GALNT10: variants seen among roughly 807,000 people sequenced by gnomAD.
The protein encoded by GALNT10 is GalNAc transferase 10.
GALNT10 carries 41 observed loss-of-function variants against 75.0 expected under a neutral mutation model. That is an observed-to-expected ratio of 0.55 (90% confidence interval 0.43 to 0.71). The LOEUF (loss-of-function observed/expected upper bound fraction) is 0.71. Ranked by LOEUF, GALNT10 falls within the 30% of genes least tolerant of loss-of-function variation. GALNT10 has a pLI of 0.00. For missense variants in GALNT10, 727 were observed against 818.5 expected (o/e 0.89, Z 1.36); for synonymous variants, 302 against 313.0 (o/e 0.96, Z 0.37).
At chr5:154,312,749 A>T (rs1438151026) in intron 3 of GALNT10, among the ~76,000 whole-genome samples, 1 of 152,186 alleles carries the variant, frequency 6.6e-6, no homozygotes, top group Non-Finnish European at 1.5e-5. Flanking sequence ...TTTATGAATC[A>T]TCAAGAAACT....
At chr5:154,226,194 T>C (rs957888378) in intron 1 of GALNT10, among the ~76,000 whole-genome samples, 3 of 152,244 alleles carry the variant, frequency 2.0e-5, no homozygotes, top group Non-Finnish European at 4.4e-5. Context: ...TAATTAATTT[T>C]TTATAGCTAA....
intron 3 of GALNT10, among the ~76,000 whole-genome samples, chr5:154,309,793 T>C (rs779572992): frequency 1.3e-5 from 2 of 152,194 alleles, no homozygotes; most frequent in African/African-American, 2.4e-5. Flanking sequence ...CGACACTGTT[T>C]CACATCCAAA....
chr5:154,357,170 A>C (rs936436269), intron 4 of GALNT10, among the ~76,000 whole-genome samples: 3 of 152,150 alleles, frequency 2.0e-5, no homozygotes, highest in African/African-American at 7.2e-5. Context: ...AAATTTTGGT[A>C]GTAAGGAGGG....
At chr5:154,358,053 C>T (rs1284737490) in intron 4 of GALNT10, among the ~76,000 whole-genome samples, 2 of 152,196 alleles carry the variant, frequency 1.3e-5, no homozygotes, top group East Asian at 3.8e-4. Context: ...ACACAAAAAA[C>T]ATCAGTGAGG....
intron 7 of GALNT10, among the ~76,000 whole-genome samples, chr5:154,398,310 G>A (rs749046259): frequency 6.6e-6 from 1 of 152,252 alleles, no homozygotes; most frequent in Non-Finnish European, 1.5e-5. Flanking sequence ...CACAAGGAGA[G>A]GAACTGCAAA....
At chr5:154,393,431 G>C (rs968450046) in intron 7 of GALNT10, among the ~76,000 whole-genome samples, 2 of 152,124 alleles carry the variant, frequency 1.3e-5, no homozygotes, top group African/African-American at 4.8e-5. Flanking sequence ...GTGGCCTTTG[G>C]GGGTGGGAGG....
chr5:154,343,998 CTG>C (rs1009391409), intron 4 of GALNT10, among the ~76,000 whole-genome samples: 61 of 152,222 alleles, frequency 4.0e-4, no homozygotes, highest in African/African-American at 1.4e-3. Flanking sequence ...CTCTGTGCTC[CTG>C]TGTGTGTTTG....
chr5:154,258,776 A>G (rs1256148901), intron 1 of GALNT10, among the ~76,000 whole-genome samples: 7 of 152,130 alleles, frequency 4.6e-5, no homozygotes, highest in Admixed American at 1.3e-4. Flanking sequence ...CATGGCTTTG[A>G]TCATGAGGTT....
intron 1 of GALNT10, among the ~76,000 whole-genome samples, chr5:154,255,634 A>G (rs1753594854): frequency 6.6e-6 from 1 of 152,094 alleles, no homozygotes. Context: ...AGAGCAAGAA[A>G]ATGATAAAGC....
intron 1 of GALNT10, among the ~76,000 whole-genome samples, chr5:154,249,605 T>C (rs180676612): frequency 8.1e-4 from 123 of 152,224 alleles, no homozygotes; most frequent in Admixed American, 1.2e-3. Context: ...TCAGGATAGA[T>C]GGGTCCATGG....
chr5:154,362,669 C>T (rs757450688), intron 4 of GALNT10, among the ~76,000 whole-genome samples: 8 of 152,108 alleles, frequency 5.3e-5, no homozygotes, highest in Non-Finnish European at 7.3e-5. Flanking sequence ...GGGGGGTCTT[C>T]GAGGCTACAC....
intron 8 of GALNT10, among the ~76,000 whole-genome samples, chr5:154,408,300 C>G (rs1396885781): frequency 1.3e-5 from 2 of 152,130 alleles, no homozygotes; most frequent in East Asian, 3.9e-4. Flanking sequence ...CTGATAACAG[C>G]TTAAACTGCT....
At position 154,376,386 on chromosome 5, in the gene GALNT10, A is replaced by T; in HGVS notation, c.678A>T (p.Ser226=). Residue 226 remains serine, a synonymous_variant, in exon 5 of 12, where the codon TCA becomes TCT. Coordinates refer to ENST00000297107, the MANE Select transcript of GALNT10 (RefSeq NM_198321.4). This position sits in a 1 kb window ranked among gnomAD's most constrained non-coding sequence, Gnocchi z 4.1. The part of the protein sequence containing the change: ...GLIRTRMLGA[S]VATGDVITFL... ...TAAGGACCCGAATGCTGGGGGCCTC[A>T]GTGGCAACTGGGGATGTCATCACAT... 6.2e-7 allele frequency: 1 copy of T among 1,608,914 alleles called. No homozygotes were observed. The highest frequency in any genetic ancestry group is 8.5e-7 in the Non-Finnish European group (1 of 1,178,058).
At position 154,409,668 on chromosome 5, in the gene GALNT10, A is replaced by G; in HGVS notation, c.1292A>G (p.Asn431Ser). Residue 431 changes from asparagine (N) to serine (S), a missense_variant, in exon 9 of 12, where the codon AAC becomes AGC. Coordinates refer to ENST00000297107, the MANE Select transcript of GALNT10 (RefSeq NM_198321.4). The surrounding 1 kb of genome is among the most constrained non-coding windows in gnomAD (Gnocchi z 4.5). ...AVQKKLRSSLNCKSFKWFMTK... is the reference protein window; with the variant it reads ...AVQKKLRSSLSCKSFKWFMTK... ...CAGAAAAAGCTCCGCAGCTCCCTTAACTGCAAGAGTTTCAAGTGGTTTATG... is the reference window on the plus strand; with the variant it reads ...CAGAAAAAGCTCCGCAGCTCCCTTAGCTGCAAGAGTTTCAAGTGGTTTATG... 6.2e-7 allele frequency: 1 copy of G among 1,613,996 alleles called. No homozygotes were observed. Among genetic ancestry groups the G allele is most frequent in the Non-Finnish European group, 8.5e-7 (1 of 1,179,914 alleles).
At chr5:154,393,069 A>AAAAAAAAAC (rs1755940775) in intron 7 of GALNT10, 1 of 148,858 alleles carries the variant, frequency 6.7e-6, no homozygotes, top group Non-Finnish European at 1.5e-5. Flanking sequence ...AAAAAAAAAA[A>AAAAAAAAAC]AAAAAAAAAC....
chr5:154,339,005 ACTT>A (rs1754988262), intron 4 of GALNT10, among the ~76,000 whole-genome samples: 1 of 151,304 alleles, frequency 6.6e-6, no homozygotes, highest in African/African-American at 2.5e-5. Flanking sequence ...GACTGTTTTT[ACTT>A]CAGCCTGTCT....
chr5:154,398,458 G>A lies in GALNT10; in HGVS notation c.1057-5646G>A, dbSNP rs140560208. ...GACTCTGCTCCTGCCTCTTGGGTGA[G>A]AGGACAGTGCTCTTGGGTGGCCAGG... On this transcript the variant is annotated intron_variant, in intron 7 of 11. Transcript: ENST00000297107. Among the ~76,000 whole-genome samples the A allele has an allele frequency of 8.5e-3, 1,297 of 152,344 alleles. 3 individuals are homozygous for A. Among genetic ancestry groups the A allele is most frequent in the Non-Finnish European group, 0.014 (979 of 68,034 alleles).
rs200097121 is a variant in GALNT10, at chr5:154,406,412, G to A, written c.1164+2201G>A. Among the ~76,000 whole-genome samples the A allele has an allele frequency of 1.2e-4, 19 of 152,338 alleles. No individual in the cohort carries two copies. In the East Asian group the frequency reaches 3.7e-3, roughly 29 times the overall value. ...ATCCATCAGGTCTGATTATGTGTGGGTTCGCAGAACCACAGAGATGCCTGA... is the reference window on the plus strand; with the variant it reads ...ATCCATCAGGTCTGATTATGTGTGGATTCGCAGAACCACAGAGATGCCTGA... On this transcript the variant is annotated intron_variant, in intron 8 of 11. Coordinates refer to ENST00000297107, the MANE Select transcript of GALNT10 (RefSeq NM_198321.4).
At chr5:154,364,100 G>A (rs1755438197) in intron 4 of GALNT10, among the ~76,000 whole-genome samples, 1 of 152,172 alleles carries the variant, frequency 6.6e-6, no homozygotes, top group African/African-American at 2.4e-5. Flanking sequence ...TGAGCCTGGG[G>A]AGAAGAATAG....
Sources: gnomAD v4.1 joint callset for allele counts (sites outside exome capture counted in the v4.1 genomes callset) on GRCh38, gnomAD v4.1.1 for gene constraint, Gnocchi (gnomAD v3.1) non-coding constraint, MANE v1.5 for transcripts, NCBI Gene and HGNC (gene_info 2026-07-23, HGNC 2026-07-21) for gene names.